Variants in SIGLEC9 observed in about 807,000 individuals in gnomAD.
SIGLEC9 encodes sialic acid binding Ig like lectin 9.
In SIGLEC9, 26 loss-of-function variants were observed where a neutral mutation model predicts 38.3. That is an observed-to-expected ratio of 0.68 (90% CI 0.50 to 0.94). The LOEUF (loss-of-function observed/expected upper bound fraction) is 0.94, where lower values mean the gene tolerates loss of function less well. Ranked by LOEUF, SIGLEC9 falls within the 40% of genes least tolerant of loss-of-function variation. The pLI, the probability that SIGLEC9 is intolerant of heterozygous loss-of-function variation, is 0.00. For synonymous variants in SIGLEC9, 236 were observed against 248.0 expected, an observed-to-expected ratio of 0.95 and a Z score of 0.45; for missense variants, 556 against 585.7, an observed-to-expected ratio of 0.95 and a Z score of 0.52.
At chr19:51,129,852 A>G in intron 6 of SIGLEC9, 39 bp from the exon 7 acceptor site, 1 of 1,463,200 alleles carries the variant, frequency 6.8e-7, no homozygotes, top group Non-Finnish European at 9.2e-7. Flanking sequence ...CCCCATCCTC[A>G]CTGTCTGCTC....
upstream of SIGLEC9, among the ~76,000 whole-genome samples, chr19:51,122,267 A>T (rs975090074): frequency 6.6e-6 from 1 of 151,384 alleles, no homozygotes; most frequent in African/African-American, 2.4e-5. The surrounding 1 kb of genome is among the most constrained non-coding windows in gnomAD (Gnocchi z 4.1). Flanking sequence ...GCTAGCGTGG[A>T]CTCCGGGATT....
chr19:51,127,364 C>A, intron 4 of SIGLEC9, 68 bp downstream of exon 4: 1 of 1,480,342 alleles, frequency 6.8e-7, no homozygotes, highest in South Asian at 1.3e-5. Flanking sequence ...TTAGTAACTG[C>A]TGAGCGTGGA....
downstream of SIGLEC9, among the ~76,000 whole-genome samples, chr19:51,131,403 T>C (rs1158666686): frequency 2.6e-5 from 4 of 151,870 alleles, no homozygotes; most frequent in Non-Finnish European, 5.9e-5. Context: ...CTGGCTAACA[T>C]GGTGAAACCC....
downstream of SIGLEC9, among the ~76,000 whole-genome samples, chr19:51,134,925 C>T (rs1239609137): frequency 6.6e-6 from 1 of 152,170 alleles, no homozygotes; most frequent in Non-Finnish European, 1.5e-5. Flanking sequence ...GAGTAAATTA[C>T]GTGGTTCCTT....
At chr19:51,134,134 A>C (rs776020649), downstream of SIGLEC9, among the ~76,000 whole-genome samples, 51 of 56,924 alleles carry the variant, frequency 9.0e-4, no homozygotes, top group Non-Finnish European at 2.1e-3. Context: ...TGGGAATTTT[A>C]TTTCTTTCTT....
intron 6 of SIGLEC9, among the ~76,000 whole-genome samples, chr19:51,129,276 A>G (rs2092000180): frequency 6.6e-6 from 1 of 151,506 alleles, no homozygotes; most frequent in Admixed American, 6.6e-5. Context: ...CTCCTGCCTC[A>G]GCCTCCGGAG....
downstream of SIGLEC9, among the ~76,000 whole-genome samples, chr19:51,135,065 T>C (rs1428140439): frequency 1.3e-5 from 2 of 152,242 alleles, no homozygotes; most frequent in South Asian, 2.1e-4. Flanking sequence ...GAAAGCATTA[T>C]TGATATGTCA....
In SIGLEC9 at chr19:51,130,211, A is replaced by G. The variant is rs2092008108; in HGVS notation, c.*132A>G. 6 of 1,392,046 alleles carry G rather than the reference A, an allele frequency of 4.3e-6. No individual in the cohort carries two copies. The highest frequency in any genetic ancestry group is 5.6e-6 in the Non-Finnish European group (6 of 1,073,816). 86.2% of individuals were successfully genotyped at this position (1,392,046 alleles called of 1,614,324 possible). A position where few individuals can be genotyped will look rare whatever the true frequency, so the allele number is the denominator to read the frequency against. On this transcript the variant is annotated 3_prime_UTR_variant, in exon 7 of 7. Coordinates refer to ENST00000250360, the MANE Select transcript of SIGLEC9 (RefSeq NM_014441.3). ...TGATAACACTATGAATTATGTGCAG[A>G]GTGAAAAGCACACAGGCTTTAGAGT...
upstream of SIGLEC9, among the ~76,000 whole-genome samples, chr19:51,121,545 C>A (rs113993013): frequency 0.023 from 3,453 of 151,794 alleles, 129 homozygotes; most frequent in African/African-American, 0.079. Flanking sequence ...TTGCTTAGTC[C>A]CCTGTCCTCC....
upstream of SIGLEC9, among the ~76,000 whole-genome samples, chr19:51,124,644 T>C (rs1339150861): frequency 2.0e-5 from 3 of 151,932 alleles, no homozygotes; most frequent in Admixed American, 6.6e-5. Context: ...ATTTTCACCC[T>C]GCAGAAAATG....
At chr19:51,120,849 T>TC (rs1346568575), upstream of SIGLEC9, 1 of 152,776 alleles carries the variant, frequency 6.5e-6, no homozygotes, top group East Asian at 1.9e-4. This position sits in a 1 kb window ranked among gnomAD's most constrained non-coding sequence, Gnocchi z 4.1. Flanking sequence ...GGAATTCTTT[T>TC]TTTTTTTTTT....
At chr19:51,129,846 A>T in intron 6 of SIGLEC9, 45 bp from the exon 7 acceptor site, 1 of 1,423,296 alleles carries the variant, frequency 7.0e-7, no homozygotes, top group Non-Finnish European at 9.6e-7. Context: ...ACCGCGCCCC[A>T]TCCTCACTGT....
upstream of SIGLEC9, chr19:51,120,162 CAGG>C (rs1458588974): frequency 6.5e-6 from 1 of 152,884 alleles, no homozygotes; most frequent in African/African-American, 2.4e-5. The surrounding 1 kb of genome is among the most constrained non-coding windows in gnomAD (Gnocchi z 4.1). Flanking sequence ...CAAACAATTG[CAGG>C]AGAAGAACCA....
rs759807176 is a variant in SIGLEC9, at chr19:51,125,617, A to T, written c.442A>T (p.Ile148Phe). 6.2e-7 allele frequency: 1 copy of T among 1,611,732 alleles called. No homozygotes were observed. The change falls in exon 2 of 7, where the codon ATC (isoleucine) becomes TTC (phenylalanine). Residue 148 changes from isoleucine to phenylalanine, a missense_variant. By Grantham distance (21) the Ile-to-Phe change is conservative. Transcript: ENST00000250360. ...NVTALTHRPN[I>F]LIPGTLESGC... ...ACCAGCCTTGACCCACAGGCCCAACATCCTCATCCCAGGCACCCTGGAGTC... is the reference window on the plus strand; with the variant it reads ...ACCAGCCTTGACCCACAGGCCCAACTTCCTCATCCCAGGCACCCTGGAGTC...
At chr19:51,134,076 G>T (rs1470697503), downstream of SIGLEC9, among the ~76,000 whole-genome samples, 1 of 151,332 alleles carries the variant, frequency 6.6e-6, no homozygotes, top group African/African-American at 2.4e-5. Context: ...TTGGGAGTGG[G>T]ATTTGGGGAT....
At chr19:51,126,263 C>G in intron 3 of SIGLEC9, 135 bp downstream of exon 3, 1 of 863,134 alleles carries the variant, frequency 1.2e-6, no homozygotes, top group Non-Finnish European at 1.9e-6. Context: ...CCCTCTGTAT[C>G]CTTAGGCCCC....
chr19:51,127,902 C>A, intron 4 of SIGLEC9, 47 bp from the exon 5 acceptor site: 1 of 1,186,310 alleles, frequency 8.4e-7, no homozygotes, highest in Non-Finnish European at 1.3e-6. Flanking sequence ...GAGAAGAGAC[C>A]CAATTCTCTA....
At chr19:51,133,888 TCAATATATAATAA>T (rs1405464925), downstream of SIGLEC9, among the ~76,000 whole-genome samples, 1 of 152,122 alleles carries the variant, frequency 6.6e-6, no homozygotes, top group African/African-American at 2.4e-5. Flanking sequence ...ATAATACTCA[TCAATATATAATAA>T]CAATATATAA....
In SIGLEC9 at chr19:51,128,276, G is replaced by A. The variant is rs1316126701; in HGVS notation, c.1107-138G>A. ...AGAGAGCCTCTGTTCTCAACCTTGG[G>A]GTCTCTAAGACTGGACCACTGCTTT... On this transcript the variant is annotated intron_variant, in intron 5 of 6. Coordinates refer to ENST00000250360, the MANE Select transcript of SIGLEC9 (RefSeq NM_014441.3). The A allele has an allele frequency of 8.6e-6, 9 of 1,044,936 alleles. No individual in the cohort carries two copies. In the Admixed American group the frequency reaches 2.0e-4, roughly 24 times the overall value. The allele number at this position is 1,044,936 out of a possible 1,614,324, so 64.7% of individuals were successfully genotyped here. A position where few individuals can be genotyped will look rare whatever the true frequency, so the allele number is the denominator to read the frequency against.
Sources: gnomAD v4.1 joint callset for allele counts (sites outside exome capture counted in the v4.1 genomes callset) on GRCh38, gnomAD v4.1.1 for gene constraint, Gnocchi (gnomAD v3.1) non-coding constraint, MANE v1.5 for transcripts, NCBI Gene and HGNC (gene_info 2026-07-23, HGNC 2026-07-21) for gene names.